SMARCD3: variants seen among roughly 807,000 people sequenced by gnomAD.
The protein encoded by SMARCD3 is SWI/SNF-related matrix-associated actin-dependent regulator of chromatin subfamily D member 3.
In SMARCD3, 14 loss-of-function variants were observed where a neutral mutation model predicts 58.0. The ratio of observed to expected loss-of-function variants is 0.24; its 90% CI spans 0.16 to 0.38. The LOEUF (loss-of-function observed/expected upper bound fraction) is 0.38. Among genes scored for constraint, SMARCD3 ranks in the 10% least tolerant of loss-of-function variants. The pLI, the probability that SMARCD3 is intolerant of heterozygous loss-of-function variation, is 1.00. For missense variants in SMARCD3, 408 were observed against 636.9 expected (o/e 0.64, Z 3.87); for synonymous variants, 253 against 253.8 (o/e 1.00, Z 0.03).
At position 151,241,843 on chromosome 7, in the gene SMARCD3, G is replaced by A. The variant is rs1388629701; in HGVS notation, c.777+34C>T. ...CCTAGCCCTGCCCTGAGGGCCTTGT[G>A]TGGCGTGTACGGGGCAGCATGGCAG... On this transcript the variant is annotated intron_variant, in intron 7 of 12. Coordinates refer to ENST00000262188, the MANE Select transcript of SMARCD3 (RefSeq NM_001003801.2). The surrounding 1 kb of genome is among the most constrained non-coding windows in gnomAD (Gnocchi z 5.3). The A allele has an allele frequency of 1.9e-6, 3 of 1,561,876 alleles. No individual in the cohort carries two copies. In the African/African-American group the frequency reaches 4.0e-5, roughly 21 times the overall value.
chr7:151,241,602 T>C lies in SMARCD3; in HGVS notation c.829A>G (p.Thr277Ala). 1 of 1,611,526 alleles carries C rather than the reference T, an allele frequency of 6.2e-7. No individual in the cohort carries two copies. The highest frequency in any genetic ancestry group is 8.5e-7 in the Non-Finnish European group (1 of 1,178,830). ...TGGACAATGGCTGAGCGGCTCTGTGTGTGCAGCCCCAGCAGCCGGGCTAGG... is the reference window on the plus strand; with the variant it reads ...TGGACAATGGCTGAGCGGCTCTGTGCGTGCAGCCCCAGCAGCCGGGCTAGG... ...PRLARLLGLH[T>A]QSRSAIVQAL... Residue 277 changes from threonine to alanine, a missense_variant, in exon 8 of 13, where the codon ACA (threonine) becomes GCA (alanine). By Grantham distance (58) the Thr-to-Ala change is moderately conservative. Coordinates refer to ENST00000262188, the MANE Select transcript of SMARCD3 (RefSeq NM_001003801.2). The surrounding 1 kb of genome is among the most constrained non-coding windows in gnomAD (Gnocchi z 5.3).
chr7:151,248,421 A>G lies in SMARCD3; in HGVS notation c.78+64T>C. The G allele has an allele frequency of 1.5e-6, 2 of 1,291,750 alleles. No homozygotes were observed. The highest frequency in any genetic ancestry group is 1.1e-6 in the Non-Finnish European group (1 of 899,896). The allele number at this position is 1,291,750 out of a possible 1,614,324, so 80.0% of individuals were successfully genotyped here. A position where few individuals can be genotyped will look rare whatever the true frequency, so the allele number is the denominator to read the frequency against. On this transcript the variant is annotated intron_variant, in intron 1 of 12. Coordinates refer to ENST00000262188, the MANE Select transcript of SMARCD3 (RefSeq NM_001003801.2). This position sits in a 1 kb window ranked among gnomAD's most constrained non-coding sequence, Gnocchi z 6.1. ...GGGAGCGCCCTCCCGGCCCCTCCCG[A>G]TCAGCCCTCCATTCAGCCCGAGCCA...
rs1385500739 is a variant in SMARCD3 at position 151,242,856 on chromosome 7, G to A, written c.334-13C>T. 6.2e-7 allele frequency: 1 copy of A among 1,613,974 alleles called. No individual in the cohort carries two copies. Among genetic ancestry groups the A allele is most frequent in the Non-Finnish European group, 8.5e-7 (1 of 1,179,916 alleles). On this transcript the variant is annotated splice_polypyrimidine_tract_variant and intron_variant, in intron 3 of 12. Coordinates refer to ENST00000262188, the MANE Select transcript of SMARCD3 (RefSeq NM_001003801.2). This position sits in a 1 kb window ranked among gnomAD's most constrained non-coding sequence, Gnocchi z 4.7. Reference sequence around the variant, plus strand: ...CCAGCTCCCGAATCTGGAGAAGGAGGAGCAGGGCAGGAGTCAGAGGCTCAA... The same window carrying A: ...CCAGCTCCCGAATCTGGAGAAGGAGAAGCAGGGCAGGAGTCAGAGGCTCAA...
chr7:151,268,653 G>A (rs1248046325), intron 2 of SMARCD3, among the ~76,000 whole-genome samples: 2 of 152,140 alleles, frequency 1.3e-5, no homozygotes, highest in African/African-American at 4.8e-5. Flanking sequence ...CTGACCACTG[G>A]GAAAGTTCCT....
At chr7:151,244,119 G>C (rs551694467) in intron 2 of SMARCD3, among the ~76,000 whole-genome samples, 5 of 152,210 alleles carry the variant, frequency 3.3e-5, no homozygotes, top group Non-Finnish European at 5.9e-5. Context: ...AGGGGCCTAA[G>C]CTCAGAGGGA....
intron 2 of SMARCD3, among the ~76,000 whole-genome samples, chr7:151,264,164 T>C (rs1804010011): frequency 1.3e-5 from 2 of 151,658 alleles, no homozygotes; most frequent in Admixed American, 1.3e-4. Context: ...GTTCAAGCGA[T>C]TCTCCTGCCT....
At position 151,243,695 on chromosome 7, in the gene SMARCD3, C is replaced by G. The variant is rs778165767; in HGVS notation, c.297G>C (p.Lys99Asn). ...GGATTTTGTCAGCCATCTTCCTCCT[C>G]TTGGCACTGTACATTTTTTAAAGAA... ...PTAPARSRSAKRRKMADKILP... is the reference protein window; with the variant it reads ...PTAPARSRSANRRKMADKILP... The change falls in exon 3 of 13, where the codon AAG becomes AAC. Residue 99 changes from lysine to asparagine, a missense_variant. Transcript: ENST00000262188. This position sits in a 1 kb window ranked among gnomAD's most constrained non-coding sequence, Gnocchi z 4.4. 2.2e-5 allele frequency: 36 copies of G among 1,610,790 alleles called. No individual in the cohort carries two copies. The highest frequency in any genetic ancestry group is 2.2e-5 in the Non-Finnish European group (26 of 1,177,130).
At position 151,239,315 on chromosome 7, in the gene SMARCD3, G is replaced by C; in HGVS notation, c.1398+81C>G. On this transcript the variant is annotated intron_variant, in intron 12 of 12. Coordinates refer to ENST00000262188, the MANE Select transcript of SMARCD3 (RefSeq NM_001003801.2). The surrounding 1 kb of genome is among the most constrained non-coding windows in gnomAD (Gnocchi z 7.0). ...GTGAAGCTTTACTGTGGGGAGCTGC[G>C]AGGGCTGCCCACAAGCTGAACAGGG... 1 of 1,350,488 alleles carries C rather than the reference G, an allele frequency of 7.4e-7. No individual in the cohort carries two copies. Among genetic ancestry groups the C allele is most frequent in the Non-Finnish European group, 1.1e-6 (1 of 942,418 alleles). 83.7% of individuals were successfully genotyped at this position (1,350,488 alleles called of 1,614,324 possible).
chr7:151,269,006 T>C (rs946505780), intron 2 of SMARCD3, among the ~76,000 whole-genome samples: 2 of 152,178 alleles, frequency 1.3e-5, no homozygotes, highest in Non-Finnish European at 2.9e-5. Context: ...TTCCTGCAGG[T>C]CACTGTGTTT....
In SMARCD3 at chr7:151,243,603, G is replaced by A. The variant is rs915551407; in HGVS notation, c.333+56C>T. The A allele has an allele frequency of 3.1e-6, 3 of 963,838 alleles. No individual in the cohort carries two copies. Among genetic ancestry groups the A allele is most frequent in the Middle Eastern group, 3.0e-4 (1 of 3,302 alleles). 59.7% of individuals were successfully genotyped at this position (963,838 alleles called of 1,614,324 possible). On this transcript the variant is annotated intron_variant, in intron 3 of 12. Transcript: ENST00000262188. The surrounding 1 kb of genome is among the most constrained non-coding windows in gnomAD (Gnocchi z 4.4). ...GCTCTGCTTCTGAGGGGGGAGGGGAGGGCGGAGCAGCAAAGGGTGGGGGGT... is the reference window on the plus strand; with the variant it reads ...GCTCTGCTTCTGAGGGGGGAGGGGAAGGCGGAGCAGCAAAGGGTGGGGGGT...
rs1416788621 is a variant in SMARCD3 at position 151,241,808 on chromosome 7, C to T, written c.777+69G>A. 6.9e-7 allele frequency: 1 copy of T among 1,457,060 alleles called. No individual in the cohort carries two copies. Among genetic ancestry groups the T allele is most frequent in the East Asian group, 2.4e-5 (1 of 42,232 alleles). 90.3% of individuals were successfully genotyped at this position (1,457,060 alleles called of 1,614,324 possible). On this transcript the variant is annotated intron_variant, in intron 7 of 12. Coordinates refer to ENST00000262188, the MANE Select transcript of SMARCD3 (RefSeq NM_001003801.2). The surrounding 1 kb of genome is among the most constrained non-coding windows in gnomAD (Gnocchi z 5.3). ...GGGAAGGAGGTCTCTCAAGATGCACCACTTTGGGACCTAGCCCTGCCCTGA... is the reference window on the plus strand; with the variant it reads ...GGGAAGGAGGTCTCTCAAGATGCACTACTTTGGGACCTAGCCCTGCCCTGA...
At chr7:151,247,568 G>C (rs2487152) in intron 1 of SMARCD3, among the ~76,000 whole-genome samples, 60,184 of 152,032 alleles carry the variant, frequency 0.4, 12,387 homozygotes, top group East Asian at 0.71. Context: ...GCCTTACTGA[G>C]AGGGTGTCTT....
chr7:151,269,588 C>T (rs917305090), intron 2 of SMARCD3, among the ~76,000 whole-genome samples: 2 of 152,022 alleles, frequency 1.3e-5, no homozygotes, highest in East Asian at 3.9e-4. Flanking sequence ...AGATATGGAA[C>T]AGGAAGAATG....
At chr7:151,261,591 C>T (rs927354517) in intron 2 of SMARCD3, among the ~76,000 whole-genome samples, 1 of 152,210 alleles carries the variant, frequency 6.6e-6, no homozygotes, top group East Asian at 1.9e-4. Context: ...AGGGTCAACA[C>T]TTAACGAGCA....
upstream of SMARCD3, among the ~76,000 whole-genome samples, chr7:151,252,492 AAGAG>A (rs1036158791): frequency 1.3e-5 from 2 of 151,094 alleles, no homozygotes; most frequent in African/African-American, 2.4e-5. Context: ...GAGAGAAAGA[AAGAG>A]AGAGGGAGAA....
chr7:151,254,574 G>A (rs1803639845), intron 2 of SMARCD3: 1 of 152,420 alleles, frequency 6.6e-6, no homozygotes, highest in Admixed American at 6.5e-5. Flanking sequence ...CCTGCCTGGT[G>A]TGGGGAGGCC....
intron 2 of SMARCD3, among the ~76,000 whole-genome samples, chr7:151,254,118 C>T (rs1803622865): frequency 6.6e-6 from 1 of 152,180 alleles, no homozygotes; most frequent in Non-Finnish European, 1.5e-5. Flanking sequence ...TGTGTGGGAG[C>T]CATCTCTGGC....
rs1161954963 is a variant in SMARCD3 at position 151,242,268 on chromosome 7, AG to A, written c.580-37del. ...GCAACAGGGACCATGGGGGCAGAAC[AG>A]GGACGAGGTGGGAGGAGCAGAAGGA... is the stretch of plus-strand genomic sequence containing the variant. On this transcript the variant is annotated intron_variant, in intron 5 of 12. Coordinates refer to ENST00000262188, the MANE Select transcript of SMARCD3 (RefSeq NM_001003801.2). This position sits in a 1 kb window ranked among gnomAD's most constrained non-coding sequence, Gnocchi z 4.7. The A allele has an allele frequency of 8.3e-6, 13 of 1,559,030 alleles. No individual in the cohort carries two copies. The highest frequency in any genetic ancestry group is 2.2e-5 in the East Asian group (1 of 44,636).
intron 2 of SMARCD3, among the ~76,000 whole-genome samples, chr7:151,274,022 C>T (rs1430541420): frequency 6.6e-6 from 1 of 152,286 alleles, no homozygotes; most frequent in Non-Finnish European, 1.5e-5. Context: ...CCCCAGGCCT[C>T]CCCGAGCCTC....
Sources: gnomAD v4.1 joint callset for allele counts (sites outside exome capture counted in the v4.1 genomes callset) on GRCh38, gnomAD v4.1.1 for gene constraint, Gnocchi (gnomAD v3.1) non-coding constraint, MANE v1.5 for transcripts, NCBI Gene and HGNC (gene_info 2026-07-23, HGNC 2026-07-21) for gene names.